The following ADAMTSL2 variants were observed in gnomAD, a reference collection of about 807,000 sequenced individuals.
The protein encoded by ADAMTSL2 is ADAMTS like 2.
ADAMTSL2 carries 55 observed loss-of-function variants against 117.0 expected under a neutral mutation model. The observed-to-expected ratio is 0.47, with a 90% CI of 0.38 to 0.59. ADAMTSL2 has a LOEUF of 0.59. ADAMTSL2 is among the 20% of genes least tolerant of loss of function. The pLI, the probability that ADAMTSL2 is intolerant of heterozygous loss-of-function variation, is 0.00. For synonymous variants in ADAMTSL2, 572 were observed against 566.4 expected, an observed-to-expected ratio of 1.01 and a Z score of -0.14; for missense variants, 1,182 against 1,354.5, an observed-to-expected ratio of 0.87 and a Z score of 2.00.
rs201903697 is a variant in ADAMTSL2, at chr9:133,539,893, C to T, written c.412+20C>T. On this transcript the variant is annotated intron_variant, in intron 5 of 18. Coordinates refer to ENST00000651351, the MANE Select transcript of ADAMTSL2 (RefSeq NM_014694.4). ...ACCCGGGTACCTGCCGCCCTGGGGA[C>T]CCACCTTGCAGGGAGCTGACTGAGC... 1.9e-6 allele frequency: 3 copies of T among 1,549,280 alleles called. No individual in the cohort carries two copies. The East Asian group carries it at 7.3e-5, about 38-fold the overall frequency.
At chr9:133,564,583 GGAGA>G (rs201374805) in intron 12 of ADAMTSL2, among the ~76,000 whole-genome samples, 2 of 47,826 alleles carry the variant, frequency 4.2e-5, no homozygotes, top group Admixed American at 2.5e-4. Context: ...GGAGAGAGAA[GGAGA>G]GAGAGAGGGG....
In ADAMTSL2 at chr9:133,560,755, G is replaced by A. The variant is rs371781225; in HGVS notation, c.1650-443G>A. The stretch of plus-strand genomic sequence containing the variant: ...CAGAGTCCCAGCTGGAGGAGGGGGT[G>A]GGAGAGAATTCTGGAACATTCTTAG... On this transcript the variant is annotated intron_variant, in intron 11 of 18. Transcript: ENST00000651351. Among the ~76,000 whole-genome samples, 1,464 of 152,290 alleles carry A rather than the reference G, an allele frequency of 9.6e-3. 27 individuals are homozygous for A. Among genetic ancestry groups the A allele is most frequent in the African/African-American group, 0.033 (1,386 of 41,558 alleles).
chr9:133,541,338 G>C (rs572346774), intron 7 of ADAMTSL2, among the ~76,000 whole-genome samples: 19 of 151,544 alleles, frequency 1.3e-4, no homozygotes, highest in African/African-American at 4.6e-4. Context: ...GCCCAGGCTG[G>C]AGTGCAGTGG....
chr9:133,555,412 C>T, intron 10 of ADAMTSL2, 146 bp from the exon 11 acceptor site: 1 of 999,438 alleles, frequency 1.0e-6, no homozygotes, highest in Non-Finnish European at 1.5e-6. Flanking sequence ...GAATTACGTC[C>T]TCTAGTTAGG....
intron 9 of ADAMTSL2, among the ~76,000 whole-genome samples, chr9:133,552,807 G>A (rs1278239446): frequency 6.6e-6 from 1 of 152,174 alleles, no homozygotes; most frequent in Non-Finnish European, 1.5e-5. Flanking sequence ...GATGTGATGG[G>A]CTGGCTACAT....
chr9:133,572,297 G>A (rs2131188985), intron 17 of ADAMTSL2, among the ~76,000 whole-genome samples: 1 of 152,290 alleles, frequency 6.6e-6, no homozygotes, highest in South Asian at 2.1e-4. Context: ...CGAGTGAGGA[G>A]GGGAAAGGCT....
chr9:133,545,807 C>G (rs1417266494), intron 8 of ADAMTSL2, among the ~76,000 whole-genome samples: 1 of 152,164 alleles, frequency 6.6e-6, no homozygotes. Flanking sequence ...TGGACGAGAG[C>G]CTCGGATTTA....
chr9:133,537,082 G>C (rs1830069951), intron 2 of ADAMTSL2, among the ~76,000 whole-genome samples: 1 of 152,160 alleles, frequency 6.6e-6, no homozygotes, highest in Admixed American at 6.5e-5. Context: ...GGTAGGCTGT[G>C]TCCTGCAGAA....
At chr9:133,564,375 GGAGA>G (rs1564178396) in intron 12 of ADAMTSL2, among the ~76,000 whole-genome samples, 3 of 10,088 alleles carry the variant, frequency 3.0e-4, no homozygotes, top group African/African-American at 4.4e-4. Flanking sequence ...GGAGAGAGAG[GGAGA>G]GAGAGGGAGA....
chr9:133,574,907 CTCCT>C lies in ADAMTSL2; in HGVS notation c.*44_*47del. ...CCTTCCAGATGAAGACCAAGCGCCCCTCCTGGGGCTGCTGCAGCTTCTGGGGCCT... is the reference window on the plus strand; with the variant it reads ...CCTTCCAGATGAAGACCAAGCGCCCCGGGGCTGCTGCAGCTTCTGGGGCCT... On this transcript the variant is annotated 3_prime_UTR_variant, in exon 19 of 19. Coordinates refer to ENST00000651351, the MANE Select transcript of ADAMTSL2 (RefSeq NM_014694.4). 1 of 1,514,888 alleles carries C rather than the reference CTCCT, an allele frequency of 6.6e-7. No individual in the cohort carries two copies. The highest frequency in any genetic ancestry group is 9.2e-7 in the Non-Finnish European group (1 of 1,091,188). 93.8% of individuals were successfully genotyped at this position (1,514,888 alleles called of 1,614,324 possible).
Position 133,561,242 on chromosome 9 carries a change from T to G in ADAMTSL2, c.1694T>G (p.Met565Arg). ...AAGCAAGGCGTGAGTCCCGCGGACA[T>G]GTACCGGTGGAAGCTCTCGTCCCAC... Reference protein sequence around the residue: ...ARKQGVSPADMYRWKLSSHEP... With the variant: ...ARKQGVSPADRYRWKLSSHEP... The change falls in exon 12 of 19, where the codon ATG (methionine) becomes AGG (arginine). Residue 565 changes from methionine (M) to arginine (R), a missense_variant. Transcript: ENST00000651351. The G allele has an allele frequency of 6.2e-7, 1 of 1,608,654 alleles. No homozygotes were observed. The highest frequency in any genetic ancestry group is 8.5e-7 in the Non-Finnish European group (1 of 1,178,076).
upstream of ADAMTSL2, among the ~76,000 whole-genome samples, chr9:133,533,428 C>T (rs575626365): frequency 6.6e-4 from 101 of 152,282 alleles, no homozygotes; most frequent in African/African-American, 2.4e-3. Flanking sequence ...GGAGAGAACC[C>T]GACACTCAGG....
At chr9:133,564,093 G>A (rs918895656) in intron 12 of ADAMTSL2, among the ~76,000 whole-genome samples, 30 of 16,100 alleles carry the variant, frequency 1.9e-3, no homozygotes, top group South Asian at 3.2e-3. Flanking sequence ...AGAGAGAGAG[G>A]GAGAGAGAGA....
rs1831075491 is a variant in ADAMTSL2, at chr9:133,570,350, G to A, written c.2435G>A (p.Arg812His). 5 of 1,548,288 alleles carry A rather than the reference G, an allele frequency of 3.2e-6. No homozygotes were observed. Among genetic ancestry groups the A allele is most frequent in the South Asian group, 1.2e-5 (1 of 84,174 alleles). The change falls in exon 17 of 19, where the codon CGC becomes CAC. Residue 812 changes from arginine to histidine, a missense_variant. Arg to His is a conservative substitution (Grantham distance 29). Coordinates refer to ENST00000651351, the MANE Select transcript of ADAMTSL2 (RefSeq NM_014694.4). The part of the protein sequence containing the change: ...DWERCNTTCG[R>H]GVKKRLVLCM... ...CCTCAGTGCAACACCACCTGCGGGC[G>A]CGGGGTCAAGAAGCGGCTGGTGCTC... is the stretch of plus-strand genomic sequence containing the variant.
chr9:133,569,165 G>A (rs2131182206), intron 15 of ADAMTSL2, among the ~76,000 whole-genome samples: 1 of 152,102 alleles, frequency 6.6e-6, no homozygotes, highest in African/African-American at 2.4e-5. Context: ...TGCTAGCTGG[G>A]GTCGCCTCTG....
chr9:133,552,474 T>G (rs1830510316), intron 9 of ADAMTSL2, among the ~76,000 whole-genome samples: 1 of 152,110 alleles, frequency 6.6e-6, no homozygotes, highest in Non-Finnish European at 1.5e-5. Flanking sequence ...GCCTTTATAG[T>G]GTATTGTAAT....
Position 133,534,858 on chromosome 9 carries a change from TCTGC to T in ADAMTSL2, c.-208_-205del. 6.7e-7 allele frequency: 1 copy of T among 1,492,572 alleles called. No individual in the cohort carries two copies. The highest frequency in any genetic ancestry group is 9.0e-7 in the Non-Finnish European group (1 of 1,116,730). 92.5% of individuals were successfully genotyped at this position (1,492,572 alleles called of 1,614,324 possible). On this transcript the variant is annotated 5_prime_UTR_variant, in exon 1 of 19. The change creates a premature stop within an existing upstream ORF in the 5' untranslated region. Coordinates refer to ENST00000651351, the MANE Select transcript of ADAMTSL2 (RefSeq NM_014694.4). ...CGCACGCACAGCGCACCTGGCGCCG[TCTGC>T]CCTCCGCAGCGCTCGCCCCTTTCTC...
chr9:133,559,476 T>G (rs1426517966), intron 11 of ADAMTSL2, among the ~76,000 whole-genome samples: 95 of 151,308 alleles, frequency 6.3e-4, no homozygotes, highest in Non-Finnish European at 1.1e-3. Context: ...CCTGAGTAGC[T>G]GGGACTACAG....
At position 133,539,923 on chromosome 9, in the gene ADAMTSL2, G is replaced by A. The variant is rs941524385; in HGVS notation, c.412+50G>A. On this transcript the variant is annotated intron_variant, in intron 5 of 18. Transcript: ENST00000651351. ...CTTGCAGGGAGCTGACTGAGCTTTG[G>A]GGGTAGCCCTTCCGGCACCTGGGAC... The A allele has an allele frequency of 1.1e-4, 175 of 1,523,322 alleles. 3 individuals carry two copies. Among genetic ancestry groups the A allele is most frequent in the East Asian group, 2.5e-5 (1 of 40,766 alleles). 94.4% of individuals were successfully genotyped at this position (1,523,322 alleles called of 1,614,324 possible).
Sources: allele counts gnomAD v4.1 joint callset (sites outside exome capture counted in the v4.1 genomes callset), GRCh38; gene constraint gnomAD v4.1.1; transcripts MANE v1.5; gene names NCBI Gene and HGNC (gene_info 2026-07-23, HGNC 2026-07-21).